The following RABGAP1 variants were observed in gnomAD, a reference collection of about 807,000 sequenced individuals.
RABGAP1 encodes the protein rab GTPase-activating protein 1.
In RABGAP1, 23 loss-of-function variants were observed where a neutral mutation model predicts 137.6. That is an observed-to-expected ratio of 0.17 (90% CI 0.12 to 0.24). The LOEUF (loss-of-function observed/expected upper bound fraction) is 0.24, where lower values mean the gene tolerates loss of function less well. Ranked by LOEUF, RABGAP1 falls within the 10% of genes least tolerant of loss-of-function variation. RABGAP1 has a pLI of 1.00. For missense variants in RABGAP1, 906 were observed against 1,275.8 expected, an observed-to-expected ratio of 0.71 and a Z score of 4.42; for synonymous variants, 451 against 450.7, an observed-to-expected ratio of 1.00 and a Z score of -0.01.
intron 1 of RABGAP1, among the ~76,000 whole-genome samples, chr9:122,942,669 C>CAAAAAAAAAAAAAAAAAAAAA (rs10660327): frequency 2.2e-5 from 2 of 90,352 alleles, no homozygotes; most frequent in Non-Finnish European, 4.2e-5. Context: ...GACTCCGTCT[C>CAAAAAAAAAAAAAAAAAAAAA]AAAAAAAAAA....
At chr9:122,996,335 G>T (rs562137101) in intron 7 of RABGAP1, 184 bp downstream of exon 7, 5 of 1,202,860 alleles carry the variant, frequency 4.2e-6, no homozygotes, top group Non-Finnish European at 5.6e-6. Context: ...CAGCTAATAC[G>T]CTCTCTTCAA....
At chr9:122,955,003 G>C in intron 1 of RABGAP1, among the ~76,000 whole-genome samples, 1 of 152,200 alleles carries the variant, frequency 6.6e-6, no homozygotes, top group Admixed American at 6.5e-5. Flanking sequence ...TGTAGGAACA[G>C]ATATAAGGGC....
At chr9:123,101,396 A>G (rs1213078946) in intron 24 of RABGAP1, among the ~76,000 whole-genome samples, 170 bp from the exon 25 acceptor site, 1 of 152,156 alleles carries the variant, frequency 6.6e-6, no homozygotes, top group Non-Finnish European at 1.5e-5. Context: ...TATAATACCA[A>G]GTGGCTTTTC....
At chr9:123,039,982 A>G (rs1314880730) in intron 13 of RABGAP1, among the ~76,000 whole-genome samples, 1 of 152,096 alleles carries the variant, frequency 6.6e-6, no homozygotes, top group African/African-American at 2.4e-5. Context: ...GGAAAATTGT[A>G]TTATGTAAGA....
chr9:123,024,103 A>G (rs1283072012), intron 13 of RABGAP1, among the ~76,000 whole-genome samples: 2 of 152,226 alleles, frequency 1.3e-5, no homozygotes, highest in Non-Finnish European at 2.9e-5. Flanking sequence ...CATAAAATAC[A>G]TAGTATGCTT....
At chr9:123,098,540 T>G (rs1240277065) in intron 22 of RABGAP1, among the ~76,000 whole-genome samples, 175 bp from the exon 23 acceptor site, 1 of 152,162 alleles carries the variant, frequency 6.6e-6, no homozygotes, top group Non-Finnish European at 1.5e-5. Flanking sequence ...CTCCCTCTCC[T>G]GCATCAGGAA....
intron 13 of RABGAP1, among the ~76,000 whole-genome samples, chr9:123,055,845 C>T (rs970319790): frequency 9.8e-5 from 15 of 152,322 alleles, no homozygotes; most frequent in African/African-American, 3.4e-4. Flanking sequence ...GCCACCGTGC[C>T]TGGCCATTTA....
intron 21 of RABGAP1, among the ~76,000 whole-genome samples, chr9:123,090,943 G>T (rs2035015015): frequency 6.6e-6 from 1 of 152,226 alleles, no homozygotes; most frequent in Admixed American, 6.5e-5. Flanking sequence ...AACCTTAGAA[G>T]AAATGGTATA....
Position 122,986,305 on chromosome 9 carries a change from A to G in RABGAP1, c.476A>G (p.Asn159Ser). ...KLTYLGCASV[N>S]APRSEVEALR... ...ACTTACTTAGGCTGTGCCTCGGTAA[A>G]TGCTCCCAGGAGTGAAGTGGAAGCC... is the stretch of plus-strand genomic sequence containing the variant. Residue 159 changes from asparagine (N) to serine (S), a missense_variant, in exon 4 of 26, where the codon AAT becomes AGT. Coordinates refer to ENST00000373647, the MANE Select transcript of RABGAP1 (RefSeq NM_012197.4). 1 of 1,614,186 alleles carries G rather than the reference A, an allele frequency of 6.2e-7. No homozygotes were observed. Among genetic ancestry groups the G allele is most frequent in the Non-Finnish European group, 8.5e-7 (1 of 1,180,014 alleles).
At chr9:122,965,384 G>A (rs558774928) in intron 2 of RABGAP1, among the ~76,000 whole-genome samples, 1 of 152,154 alleles carries the variant, frequency 6.6e-6, no homozygotes, top group East Asian at 1.9e-4. Context: ...TACAATGTTT[G>A]TACTAAAAAA....
chr9:122,950,377 CTTTTTTTT>C lies in RABGAP1; in HGVS notation c.-49-6619_-49-6612del, dbSNP rs200424486. ...CTTTTTTTTCTTTTTCTTTTTCTTT[CTTTTTTTT>C]TTTTTTTTTTTTTTGATGTTGTTTT... On this transcript the variant is annotated intron_variant, in intron 1 of 25. Coordinates refer to ENST00000373647, the MANE Select transcript of RABGAP1 (RefSeq NM_012197.4). Among the ~76,000 whole-genome samples the C allele has an allele frequency of 3.8e-4, 28 of 74,490 alleles. No homozygotes were observed. In the East Asian group the frequency reaches 3.8e-3, roughly 10 times the overall value. The allele number at this position is 74,490 out of a possible 152,430, so 48.9% of individuals were successfully genotyped here.
chr9:122,990,789 AAAAAAAAATATATATATATATATATAT>A (rs1369463454), intron 6 of RABGAP1: 5 of 56,578 alleles, frequency 8.8e-5, no homozygotes, highest in African/African-American at 1.3e-4. Context: ...AAAAAAAAAA[AAAAAAAAATATATATATATATATATAT>A]ATATATATAT....
chr9:122,936,444 G>A (rs1294486695), upstream of RABGAP1, among the ~76,000 whole-genome samples: 4 of 152,104 alleles, frequency 2.6e-5, no homozygotes, highest in South Asian at 2.1e-4. Flanking sequence ...GAGTCTATTC[G>A]AATGCTTACA....
At chr9:123,037,590 A>G (rs1435482605) in intron 13 of RABGAP1, among the ~76,000 whole-genome samples, 3 of 152,196 alleles carry the variant, frequency 2.0e-5, no homozygotes, top group South Asian at 2.1e-4. Context: ...ACCTTTTTTC[A>G]TACATGTTAG....
chr9:123,019,965 T>A (rs1435958017), intron 12 of RABGAP1, among the ~76,000 whole-genome samples: 1 of 152,072 alleles, frequency 6.6e-6, no homozygotes. Flanking sequence ...ATTACAGGCG[T>A]GAGCCACCGC....
chr9:123,062,342 T>C lies in RABGAP1; in HGVS notation c.1795-3006T>C, dbSNP rs1461102302. ...TTGACTATTTTGAAAAGCTCTTTGC[T>C]TTTTTTCTCTTAGGGGATCATCCAT... On this transcript the variant is annotated intron_variant, in intron 13 of 25. Coordinates refer to ENST00000373647, the MANE Select transcript of RABGAP1 (RefSeq NM_012197.4). The C allele has an allele frequency of 3.9e-5, 6 of 152,352 alleles. No homozygotes were observed. The East Asian group carries it at 9.6e-4, about 24-fold the overall frequency. 9.4% of individuals were successfully genotyped at this position (152,352 alleles called of 1,614,324 possible). A position where few individuals can be genotyped will look rare whatever the true frequency, so the allele number is the denominator to read the frequency against.
intron 23 of RABGAP1, 136 bp from the exon 24 acceptor site, chr9:123,099,342 C>A: frequency 1.3e-6 from 1 of 768,166 alleles, no homozygotes; most frequent in Non-Finnish European, 2.1e-6. Flanking sequence ...CCATCGACTT[C>A]ATATCCCCTC....
At chr9:123,045,823 T>A (rs2033180362) in intron 13 of RABGAP1, among the ~76,000 whole-genome samples, 1 of 152,208 alleles carries the variant, frequency 6.6e-6, no homozygotes, top group South Asian at 2.1e-4. Context: ...CAAAATGGGA[T>A]AATACTACCT....
chr9:123,077,420 G>A (rs1052667850), intron 19 of RABGAP1, among the ~76,000 whole-genome samples: 3 of 151,978 alleles, frequency 2.0e-5, no homozygotes, highest in Non-Finnish European at 2.9e-5. Flanking sequence ...CTAAAGTGCT[G>A]GAATTACAGG....
Sources: allele counts gnomAD v4.1 joint callset (sites outside exome capture counted in the v4.1 genomes callset), GRCh38; gene constraint gnomAD v4.1.1; transcripts MANE v1.5; gene names NCBI Gene and HGNC (gene_info 2026-07-23, HGNC 2026-07-21).